The following NUP54 variants were observed in gnomAD, a reference collection of about 807,000 sequenced individuals.
NUP54 encodes nucleoporin 54, also known as nucleoporin p54.
NUP54 carries 27 observed loss-of-function variants against 66.4 expected under a neutral mutation model. That is an observed-to-expected ratio of 0.41 (90% confidence interval 0.30 to 0.56). The LOEUF is 0.56. NUP54 is among the 20% of genes least tolerant of loss of function. The pLI is 0.34. For missense variants in NUP54, 486 were observed against 596.3 expected, an observed-to-expected ratio of 0.82 and a Z score of 1.93; for synonymous variants, 206 against 210.7, an observed-to-expected ratio of 0.98 and a Z score of 0.19.
At chr4:76,143,334 G>A (rs553366285) in intron 3 of NUP54, among the ~76,000 whole-genome samples, 42 of 152,348 alleles carry the variant, frequency 2.8e-4, no homozygotes, top group African/African-American at 7.9e-4. Context: ...GGCCAGGCGC[G>A]GTGGCGCACA....
chr4:76,129,334 G>A (rs1232152309), intron 8 of NUP54, among the ~76,000 whole-genome samples: 1 of 152,112 alleles, frequency 6.6e-6, no homozygotes, highest in African/African-American at 2.4e-5. Flanking sequence ...TATAACAACA[G>A]CCCTTCAAAC....
At chr4:76,127,248 C>T (rs907917622) in intron 8 of NUP54, among the ~76,000 whole-genome samples, 1 of 151,884 alleles carries the variant, frequency 6.6e-6, no homozygotes, top group Non-Finnish European at 1.5e-5. Context: ...CTGGCTAACA[C>T]GGTGAAACCC....
intron 9 of NUP54, among the ~76,000 whole-genome samples, chr4:76,119,450 T>C (rs1730127847): frequency 6.6e-6 from 1 of 152,024 alleles, no homozygotes; most frequent in Non-Finnish European, 1.5e-5. Context: ...CAATGCAGCA[T>C]CGATCTCCTA....
At chr4:76,121,769 C>T (rs1366704564) in intron 9 of NUP54, among the ~76,000 whole-genome samples, 1 of 152,152 alleles carries the variant, frequency 6.6e-6, no homozygotes, top group African/African-American at 2.4e-5. Flanking sequence ...ACAGTTTTGT[C>T]ACCATAGTGA....
Position 76,134,215 on chromosome 4 carries a change from T to A in NUP54, c.670A>T (p.Thr224Ser), listed in dbSNP as rs1318304948. The change falls in exon 5 of 12, where the codon ACT becomes TCT. Residue 224 changes from threonine to serine, a missense_variant. Around this residue, in one of 4 missense-constraint regions of NUP54, gnomAD observed 217 missense variants for 247.9 expected, o/e 0.88. Coordinates refer to ENST00000264883, the MANE Select transcript of NUP54 (RefSeq NM_017426.4). ...HKVLGGNQTLTVNVEGTKTLP... is the reference protein window; with the variant it reads ...HKVLGGNQTLSVNVEGTKTLP... ...GTTTTAGTGCCCTCTACATTTACAGTAAGGGTCTGGTTTCCTCCCAAAACT... is the reference window on the plus strand; with the variant it reads ...GTTTTAGTGCCCTCTACATTTACAGAAAGGGTCTGGTTTCCTCCCAAAACT... The A allele has an allele frequency of 6.2e-7, 1 of 1,613,524 alleles. No individual in the cohort carries two copies. The highest frequency in any genetic ancestry group is 1.7e-5 in the Admixed American group (1 of 59,994).
chr4:76,124,765 A>G lies in NUP54; in HGVS notation c.1057-9T>C. ...ATATCTTCAGATATGATCTGTTTAA[A>G]AAAAAATTGGGGGGGGGAGGGTTAA... On this transcript the variant is annotated splice_polypyrimidine_tract_variant and intron_variant, in intron 8 of 11. Coordinates refer to ENST00000264883, the MANE Select transcript of NUP54 (RefSeq NM_017426.4). The G allele has an allele frequency of 1.1e-6, 1 of 921,750 alleles. No individual in the cohort carries two copies. Among genetic ancestry groups the G allele is most frequent in the African/African-American group, 1.8e-5 (1 of 55,640 alleles). 57.1% of individuals were successfully genotyped at this position (921,750 alleles called of 1,614,324 possible).
intron 3 of NUP54, among the ~76,000 whole-genome samples, chr4:76,143,049 G>A (rs1346901983): frequency 6.6e-6 from 1 of 151,926 alleles, no homozygotes; most frequent in Non-Finnish European, 1.5e-5. Flanking sequence ...TCTAGGTAAT[G>A]ATCACCAATG....
intron 8 of NUP54, among the ~76,000 whole-genome samples, chr4:76,129,220 A>G (rs538636152): frequency 6.7e-6 from 1 of 148,458 alleles, no homozygotes; most frequent in South Asian, 2.1e-4. Flanking sequence ...ATTAAAAACA[A>G]TAAAAGAAAA....
chr4:76,127,049 G>A (rs1282348981), intron 8 of NUP54, among the ~76,000 whole-genome samples: 3 of 151,988 alleles, frequency 2.0e-5, no homozygotes, highest in Non-Finnish European at 4.4e-5. Flanking sequence ...ATAAGAGAGG[G>A]TCTAGAAATA....
chr4:76,126,091 A>G (rs1453705273), intron 8 of NUP54, among the ~76,000 whole-genome samples: 1 of 152,118 alleles, frequency 6.6e-6, no homozygotes, highest in African/African-American at 2.4e-5. Flanking sequence ...TTCAACATTA[A>G]CTGTTACAGA....
chr4:76,131,213 G>A lies in NUP54; in HGVS notation c.962+17C>T, dbSNP rs775848398. On this transcript the variant is annotated intron_variant, in intron 7 of 11. Transcript: ENST00000264883. ...AAATATTAGTTCTTAAATGAAACAA[G>A]ATGAAGACATACTTACTTTTCAGAA... is the stretch of plus-strand genomic sequence containing the variant. The A allele has an allele frequency of 3.9e-6, 6 of 1,534,620 alleles. No homozygotes were observed. The highest frequency in any genetic ancestry group is 4.5e-6 in the Non-Finnish European group (5 of 1,115,458).
At chr4:76,139,701 G>A (rs1731183548) in intron 3 of NUP54, among the ~76,000 whole-genome samples, 1 of 152,128 alleles carries the variant, frequency 6.6e-6, no homozygotes, top group Non-Finnish European at 1.5e-5. Flanking sequence ...TTGGAATGAG[G>A]TACACATTTT....
At chr4:76,142,542 G>A (rs1240287457) in intron 3 of NUP54, among the ~76,000 whole-genome samples, 2 of 152,200 alleles carry the variant, frequency 1.3e-5, no homozygotes, top group Non-Finnish European at 2.9e-5. Context: ...GAGGTATACA[G>A]GTAAGTCACA....
At chr4:76,116,678 A>C (rs1729964921) in intron 11 of NUP54, among the ~76,000 whole-genome samples, 1 of 152,212 alleles carries the variant, frequency 6.6e-6, no homozygotes, top group South Asian at 2.1e-4. Flanking sequence ...TAGGCAGGGA[A>C]GGTATTATCT....
At chr4:76,127,532 C>A (rs7688452) in intron 8 of NUP54, among the ~76,000 whole-genome samples, 19,947 of 148,664 alleles carry the variant, frequency 0.13, 1,537 homozygotes, top group East Asian at 0.35. Context: ...ATGATGACAA[C>A]AAAAGACTCA....
intron 3 of NUP54, 41 bp from the exon 4 acceptor site, chr4:76,136,453 A>C: frequency 1.3e-6 from 2 of 1,531,594 alleles, no homozygotes; most frequent in Non-Finnish European, 9.0e-7. Flanking sequence ...AACAAAACAA[A>C]ACAAAACTTA....
intron 1 of NUP54, among the ~76,000 whole-genome samples, chr4:76,145,025 T>G (rs1370543402): frequency 6.6e-6 from 1 of 152,146 alleles, no homozygotes; most frequent in Non-Finnish European, 1.5e-5. Flanking sequence ...TATGTAAAAT[T>G]TATTGGTTTT....
chr4:76,145,317 CAAAAA>C (rs58518890), intron 1 of NUP54, among the ~76,000 whole-genome samples: 3 of 101,568 alleles, frequency 3.0e-5, no homozygotes, highest in African/African-American at 7.0e-5. Context: ...GACTCCGTCT[CAAAAA>C]AAAAAAAAAA....
At chr4:76,136,976 C>T (rs368986393) in intron 3 of NUP54, among the ~76,000 whole-genome samples, 1 of 152,196 alleles carries the variant, frequency 6.6e-6, no homozygotes, top group African/African-American at 2.4e-5. Flanking sequence ...AACCTTATAA[C>T]GTTAAATTTG....
Sources: allele counts gnomAD v4.1 joint callset (sites outside exome capture counted in the v4.1 genomes callset), GRCh38; gene constraint gnomAD v4.1.1; regional missense constraint gnomAD v4.1.1; transcripts MANE v1.5; gene names NCBI Gene and HGNC (gene_info 2026-07-23, HGNC 2026-07-21).